CCDC66: variants seen among roughly 807,000 people sequenced by gnomAD.
CCDC66 encodes the protein coiled-coil domain-containing protein 66.
CCDC66 carries 133 observed loss-of-function variants against 128.3 expected under a neutral mutation model. That is an observed-to-expected ratio of 1.04 (90% CI 0.90 to 1.20). The LOEUF (loss-of-function observed/expected upper bound fraction) is 1.20, where lower values mean the gene tolerates loss of function less well. Among genes scored for constraint, CCDC66 ranks in the 50% most tolerant of loss-of-function variants. The pLI, the probability that CCDC66 is intolerant of heterozygous loss-of-function variation, is 0.00. For synonymous variants in CCDC66, 387 were observed against 357.0 expected, an observed-to-expected ratio of 1.08 and a Z score of -0.95; for missense variants, 1,126 against 1,075.5, an observed-to-expected ratio of 1.05 and a Z score of -0.66.
chr3:56,603,124 G>A (rs774762540), intron 10 of CCDC66, among the ~76,000 whole-genome samples: 7 of 151,916 alleles, frequency 4.6e-5, no homozygotes, highest in Middle Eastern at 3.4e-3. Context: ...TGTGAGGCAC[G>A]GCACCCGGCC....
intron 7 of CCDC66, among the ~76,000 whole-genome samples, chr3:56,576,889 A>G (rs1214894001): frequency 4.6e-5 from 7 of 151,796 alleles, no homozygotes; most frequent in Non-Finnish European, 7.4e-5. Context: ...ATACGTATGC[A>G]TGTGTCTTCA....
intron 3 of CCDC66, chr3:56,561,435 T>C (rs1433296327): frequency 5.8e-6 from 2 of 343,852 alleles, no homozygotes; most frequent in East Asian, 1.5e-4. Context: ...CTTTTAATCA[T>C]AAAATTCTAT....
At position 56,567,044 on chromosome 3, in the gene CCDC66, A is replaced by G. The variant is rs780783391; in HGVS notation, c.805A>G (p.Lys269Glu). The G allele has an allele frequency of 5.6e-6, 9 of 1,612,446 alleles. No individual in the cohort carries two copies. In the South Asian group the frequency reaches 7.7e-5, roughly 14 times the overall value. Residue 269 changes from lysine to glutamate, a missense_variant, in exon 6 of 18, where the codon AAA (lysine) becomes GAA (glutamate). Coordinates refer to ENST00000394672, the MANE Select transcript of CCDC66 (RefSeq NM_001141947.3). ...GGAAGCAAAAAAAGCCCAGTGGAGG[A>G]AAGAGCTAGGTAGGTAACTTTTATA... ...SLEAKKAQWR[K>E]ELDEQVALKK...
chr3:56,597,306 G>T (rs1301165650), intron 10 of CCDC66, among the ~76,000 whole-genome samples: 1 of 151,970 alleles, frequency 6.6e-6, no homozygotes, highest in Admixed American at 6.6e-5. Flanking sequence ...CTATAGTCTT[G>T]TAATGTATTT....
Position 56,620,003 on chromosome 3 carries a change from A to G in CCDC66, c.2760+102A>G, listed in dbSNP as rs1046015221. ...GTTTTAAGTTACTTCGGTGCATCCC[A>G]GGATTTAACAAAAATATTTCAGTTC... On this transcript the variant is annotated intron_variant, in intron 17 of 17. Transcript: ENST00000394672. The G allele has an allele frequency of 9.4e-5, 116 of 1,239,586 alleles. 2 individuals are homozygous for G. The highest frequency in any genetic ancestry group is 2.0e-4 in the Middle Eastern group (1 of 5,056). 76.8% of individuals were successfully genotyped at this position (1,239,586 alleles called of 1,614,324 possible). A position where few individuals can be genotyped will look rare whatever the true frequency, so the allele number is the denominator to read the frequency against.
chr3:56,576,059 A>C (rs1203036607), intron 7 of CCDC66, among the ~76,000 whole-genome samples: 1 of 147,890 alleles, frequency 6.8e-6, no homozygotes, highest in African/African-American at 2.5e-5. Context: ...CTATTTCTGC[A>C]AAAAAAAAAG....
Position 56,590,122 on chromosome 3 carries a change from G to A in CCDC66, c.937-2848G>A, listed in dbSNP as rs923892439. On this transcript the variant is annotated intron_variant, in intron 7 of 17. Coordinates refer to ENST00000394672, the MANE Select transcript of CCDC66 (RefSeq NM_001141947.3). The stretch of plus-strand genomic sequence containing the variant: ...TCTGCGTGGCCAGTAGACAAGGTCG[G>A]CAGGTGGATGTTGTCATCTTAACTG... 2.6e-5 allele frequency among the ~76,000 whole-genome samples: 4 copies of A among 152,150 alleles called. No individual in the cohort carries two copies. In the South Asian group the frequency reaches 8.3e-4, roughly 32 times the overall value.
intron 3 of CCDC66, among the ~76,000 whole-genome samples, chr3:56,562,409 T>C (rs2065221929): frequency 6.6e-6 from 1 of 152,168 alleles, no homozygotes; most frequent in African/African-American, 2.4e-5. Context: ...GTTACTTTCC[T>C]AATTTCTTAG....
chr3:56,584,492 CG>C (rs1230695420), intron 7 of CCDC66, among the ~76,000 whole-genome samples: 3 of 146,646 alleles, frequency 2.0e-5, no homozygotes, highest in Non-Finnish European at 4.5e-5. Flanking sequence ...ACATCCCAGA[CG>C]GGGCGGCAGG....
chr3:56,618,238 C>T, intron 15 of CCDC66, 26 bp downstream of exon 15: 1 of 1,599,936 alleles, frequency 6.3e-7, no homozygotes, highest in South Asian at 1.1e-5. Context: ...ATTAATTCCG[C>T]AGCTACTTAA....
At chr3:56,601,388 G>T (rs892014896) in intron 10 of CCDC66, among the ~76,000 whole-genome samples, 2 of 152,074 alleles carry the variant, frequency 1.3e-5, no homozygotes, top group African/African-American at 4.8e-5. Flanking sequence ...TTGTAGTATA[G>T]TTTGAAGTGA....
At position 56,564,125 on chromosome 3, in the gene CCDC66, A is replaced by G; in HGVS notation, c.544A>G (p.Ser182Gly). ...SLTENGKEAK[S>G]QYSLYLNSIS... ...GACTGAGAATGGAAAGGAGGCAAAA[A>G]GTAAGATTTTTCTAAAGTTTTCATG... is the stretch of plus-strand genomic sequence containing the variant. The change falls in exon 4 of 18, where the codon AGT becomes GGT. Residue 182 changes from serine to glycine, a missense_variant and splice_region_variant. Physicochemically the swap from Ser to Gly is moderately conservative, Grantham distance 56. Transcript: ENST00000394672. 1 of 1,581,702 alleles carries G rather than the reference A, an allele frequency of 6.3e-7. No homozygotes were observed. The highest frequency in any genetic ancestry group is 8.6e-7 in the Non-Finnish European group (1 of 1,166,786).
chr3:56,601,872 G>A (rs1332806860), intron 10 of CCDC66, among the ~76,000 whole-genome samples: 3 of 152,096 alleles, frequency 2.0e-5, no homozygotes, highest in Non-Finnish European at 4.4e-5. Context: ...ATTTGGGGCT[G>A]AGACAATGGG....
At chr3:56,596,041 A>C (rs2071841148) in intron 10 of CCDC66, among the ~76,000 whole-genome samples, 1 of 152,128 alleles carries the variant, frequency 6.6e-6, no homozygotes, top group Non-Finnish European at 1.5e-5. Flanking sequence ...GAGCCTCCCC[A>C]GTAGCTGATA....
chr3:56,557,961 C>T (rs2064571676), intron 1 of CCDC66: 1 of 152,118 alleles, frequency 6.6e-6, no homozygotes, highest in South Asian at 2.1e-4. Flanking sequence ...ATTGAAGGTA[C>T]TTTACCATTG....
At chr3:56,558,416 C>T (rs2107686090) in intron 1 of CCDC66, among the ~76,000 whole-genome samples, 1 of 152,296 alleles carries the variant, frequency 6.6e-6, no homozygotes, top group South Asian at 2.1e-4. Flanking sequence ...ACCTTGATGG[C>T]ATTGTTAGTA....
chr3:56,616,878 T>TCA, intron 13 of CCDC66: 1 of 395,630 alleles, frequency 2.5e-6, no homozygotes, highest in Admixed American at 4.2e-5. Flanking sequence ...TGACTGATGA[T>TCA]GTTGAGCATC....
At chr3:56,590,865 T>C (rs1032073269) in intron 7 of CCDC66, among the ~76,000 whole-genome samples, 6 of 152,230 alleles carry the variant, frequency 3.9e-5, no homozygotes, top group African/African-American at 1.2e-4. Flanking sequence ...AAAAGTCAGT[T>C]AGCCTGGGAA....
intron 17 of CCDC66, 26 bp from the exon 18 acceptor site, chr3:56,621,506 A>G (rs1418411169): frequency 6.8e-7 from 1 of 1,471,958 alleles, no homozygotes; most frequent in Non-Finnish European, 9.3e-7. Context: ...CATTTTACTA[A>G]CAAACATATA....
Sources: allele counts gnomAD v4.1 joint callset (sites outside exome capture counted in the v4.1 genomes callset), GRCh38; gene constraint gnomAD v4.1.1; transcripts MANE v1.5; gene names NCBI Gene and HGNC (gene_info 2026-07-23, HGNC 2026-07-21).